Variants in AOAH observed in about 807,000 individuals in gnomAD.
AOAH encodes acyloxyacyl hydrolase.
Under a neutral mutation model 92.2 loss-of-function variants are expected in AOAH, and 64 were observed. The observed-to-expected ratio is 0.69, with a 90% CI of 0.57 to 0.86. AOAH has a LOEUF of 0.86. Among genes scored for constraint, AOAH ranks in the 40% least tolerant of loss-of-function variants. The pLI is 0.00. For synonymous variants in AOAH, 263 were observed against 254.5 expected, an observed-to-expected ratio of 1.03 and a Z score of -0.32; for missense variants, 656 against 694.6, an observed-to-expected ratio of 0.94 and a Z score of 0.62.
chr7:36,660,812 A>C (rs889335286), intron 3 of AOAH, among the ~76,000 whole-genome samples: 2 of 152,230 alleles, frequency 1.3e-5, no homozygotes, highest in Admixed American at 6.5e-5. Context: ...TTTTCGAATG[A>C]CATGAACAAG....
At chr7:36,525,025 T>G (rs1017349867) in intron 19 of AOAH, among the ~76,000 whole-genome samples, 1 of 152,102 alleles carries the variant, frequency 6.6e-6, no homozygotes, top group African/African-American at 2.4e-5. Flanking sequence ...TACTAAAAAG[T>G]TGTGAAGAGT....
chr7:36,549,314 A>T, intron 14 of AOAH, 125 bp downstream of exon 14: 1 of 724,106 alleles, frequency 1.4e-6, no homozygotes, highest in East Asian at 2.6e-5. Context: ...GATATCCTTG[A>T]GTTTGGATAG....
intron 11 of AOAH, 62 bp downstream of exon 11, chr7:36,616,318 A>G: frequency 7.4e-7 from 1 of 1,359,924 alleles, no homozygotes; most frequent in Non-Finnish European, 1.0e-6. Context: ...ATTTAGAGAG[A>G]GCAAGAGGAA....
chr7:36,623,275 C>G (rs368736670), intron 6 of AOAH, 25 bp from the exon 7 acceptor site: 3 of 1,607,390 alleles, frequency 1.9e-6, no homozygotes, highest in Non-Finnish European at 2.6e-6. Context: ...ACAAAACAAT[C>G]GGTGAGCTAA....
At chr7:36,543,796 T>C (rs957494285) in intron 15 of AOAH, among the ~76,000 whole-genome samples, 14 of 152,152 alleles carry the variant, frequency 9.2e-5, no homozygotes, top group Non-Finnish European at 1.8e-4. Context: ...TTAATTTGCA[T>C]AGCAAAATCA....
intron 2 of AOAH, among the ~76,000 whole-genome samples, chr7:36,680,570 T>C (rs1796584560): frequency 6.6e-6 from 1 of 152,220 alleles, no homozygotes; most frequent in Non-Finnish European, 1.5e-5. Flanking sequence ...CTATTATGTC[T>C]TCCAGGAGAA....
At chr7:36,594,643 C>A in intron 11 of AOAH, 1 of 616,056 alleles carries the variant, frequency 1.6e-6, no homozygotes, top group South Asian at 1.8e-5. Context: ...ACCTGGCTTC[C>A]GCTCAGCTCT....
At chr7:36,565,537 T>TC (rs1282397639) in intron 13 of AOAH, among the ~76,000 whole-genome samples, 6 of 117,826 alleles carry the variant, frequency 5.1e-5, no homozygotes, top group Admixed American at 7.9e-5. Flanking sequence ...TAAACATCTC[T>TC]TTTTTTTTTT....
intron 13 of AOAH, among the ~76,000 whole-genome samples, chr7:36,565,536 C>CTTT (rs200870748): frequency 1.4e-5 from 2 of 144,130 alleles, no homozygotes; most frequent in Non-Finnish European, 3.1e-5. Context: ...GTAAACATCT[C>CTTT]TTTTTTTTTT....
chr7:36,719,569 G>C (rs1231070938), intron 1 of AOAH, among the ~76,000 whole-genome samples: 1 of 152,114 alleles, frequency 6.6e-6, no homozygotes, highest in Non-Finnish European at 1.5e-5. Context: ...TCAAGGCAAG[G>C]ATATCCTTTT....
chr7:36,568,077 C>T (rs1242862442), intron 13 of AOAH, among the ~76,000 whole-genome samples: 1 of 152,130 alleles, frequency 6.6e-6, no homozygotes, highest in Non-Finnish European at 1.5e-5. Flanking sequence ...GCAGTTAGAA[C>T]TTGGGTTTAT....
At position 36,577,874 on chromosome 7, in the gene AOAH, C is replaced by T. The variant is rs118150895; in HGVS notation, c.939-1218G>A. On this transcript the variant is annotated intron_variant, in intron 12 of 20. Transcript: ENST00000617537. The stretch of plus-strand genomic sequence containing the variant: ...ATTATAATAAGTTCACATCTCACAA[C>T]CTTACATACAATCACCAATTATTAA... 6.3e-4 allele frequency among the ~76,000 whole-genome samples: 96 copies of T among 152,252 alleles called. 2 individuals are homozygous for T. In the East Asian group the frequency reaches 0.017, roughly 26 times the overall value.
intron 4 of AOAH, among the ~76,000 whole-genome samples, chr7:36,655,473 T>C (rs754865543): frequency 6.6e-6 from 1 of 151,996 alleles, no homozygotes; most frequent in South Asian, 2.1e-4. Context: ...GGGTTGGGGA[T>C]GGCTCAAGGC....
At chr7:36,517,861 A>G (rs946115449) in intron 20 of AOAH, among the ~76,000 whole-genome samples, 2 of 151,800 alleles carry the variant, frequency 1.3e-5, no homozygotes, top group Admixed American at 6.6e-5. Flanking sequence ...TCGACCACCC[A>G]AAGTGCTAGG....
chr7:36,561,100 T>C (rs986778271), intron 13 of AOAH, among the ~76,000 whole-genome samples: 3 of 150,086 alleles, frequency 2.0e-5, no homozygotes, highest in Non-Finnish European at 4.4e-5. Flanking sequence ...TGGAGTGCAG[T>C]GGCGGATCTT....
intron 11 of AOAH, among the ~76,000 whole-genome samples, chr7:36,600,625 G>T (rs1326032551): frequency 1.3e-5 from 2 of 152,074 alleles, no homozygotes; most frequent in African/African-American, 4.8e-5. Flanking sequence ...GGTTCTGGTG[G>T]AACAAGAAAG....
intron 13 of AOAH, among the ~76,000 whole-genome samples, chr7:36,574,786 G>A (rs1038899425): frequency 2.6e-5 from 4 of 152,064 alleles, no homozygotes; most frequent in Admixed American, 1.3e-4. Context: ...AAATGAAAGC[G>A]ATCACTCGTA....
At chr7:36,618,155 G>A (rs1792029119) in intron 10 of AOAH, 142 bp downstream of exon 10, 1 of 621,914 alleles carries the variant, frequency 1.6e-6, no homozygotes. Context: ...GATCTGTCAT[G>A]AAAATAAATG....
intron 6 of AOAH, among the ~76,000 whole-genome samples, chr7:36,631,017 C>T (rs967249119): frequency 6.6e-6 from 1 of 152,166 alleles, no homozygotes; most frequent in Non-Finnish European, 1.5e-5. Flanking sequence ...CGCCCATAAA[C>T]CTGATAGCAG....
Sources: allele counts gnomAD v4.1 joint callset (sites outside exome capture counted in the v4.1 genomes callset), GRCh38; gene constraint gnomAD v4.1.1; transcripts MANE v1.5; gene names NCBI Gene and HGNC (gene_info 2026-07-23, HGNC 2026-07-21).